Variants in GPC1 observed in about 807,000 individuals in gnomAD.
GPC1 encodes the protein glypican 1.
Under a neutral mutation model 51.5 loss-of-function variants are expected in GPC1, and 26 were observed. That is an observed-to-expected ratio of 0.50 (90% CI 0.37 to 0.70). The LOEUF (loss-of-function observed/expected upper bound fraction) is 0.70, where lower values mean the gene tolerates loss of function less well. Among genes scored for constraint, GPC1 ranks in the 30% least tolerant of loss-of-function variants. The pLI, the probability that GPC1 is intolerant of heterozygous loss-of-function variation, is 0.00. For missense variants in GPC1, 775 were observed against 800.5 expected, an observed-to-expected ratio of 0.97 and a Z score of 0.38; for synonymous variants, 380 against 348.3, an observed-to-expected ratio of 1.09 and a Z score of -1.01.
chr2:240,456,023 C>T (rs901919526), intron 1 of GPC1: 3 of 429,738 alleles, frequency 7.0e-6, no homozygotes, highest in South Asian at 1.6e-5. Flanking sequence ...GCTCTGGCTC[C>T]GTGTCTTCAC....
chr2:240,459,001 C>T lies in GPC1; in HGVS notation c.167-29C>T, dbSNP rs776287817. On this transcript the variant is annotated intron_variant, in intron 1 of 8. Coordinates refer to ENST00000264039, the MANE Select transcript of GPC1 (RefSeq NM_002081.3). The stretch of plus-strand genomic sequence containing the variant: ...CTGGCTCCCAGTGCTGTCCCAGCCC[C>T]TCTCCCTCACACTGGCCTTTCCCCA... 39 of 1,606,648 alleles carry T rather than the reference C, an allele frequency of 2.4e-5. No homozygotes were observed. The Middle Eastern group carries it at 5.0e-4, about 20-fold the overall frequency.
chr2:240,456,098 G>A (rs1333726002), intron 1 of GPC1: 1 of 298,082 alleles, frequency 3.4e-6, no homozygotes, highest in South Asian at 2.5e-5. Flanking sequence ...GAACAACGCA[G>A]GTCGCCGGGC....
rs34976040 is a variant in GPC1 at position 240,462,256 on chromosome 2, G to A, written c.391G>A (p.Gly131Arg). The A allele has an allele frequency of 0.026, 42,208 of 1,610,548 alleles. 639 individuals are homozygous for A. The highest frequency in any genetic ancestry group is 0.031 in the Non-Finnish European group (36,023 of 1,178,800). The change falls in exon 3 of 9, where the codon GGA becomes AGA. Residue 131 changes from glycine (G) to arginine (R), a missense_variant. Gly to Arg is a moderately radical substitution (Grantham distance 125). Transcript: ENST00000264039. ...TLQATFPGAF[G>R]ELYTQNARAF... Reference sequence around the variant, plus strand: ...GCAGGCCACCTTCCCCGGCGCCTTCGGAGAGCTGTACACGCAGAACGCGAG... The same window carrying A: ...GCAGGCCACCTTCCCCGGCGCCTTCAGAGAGCTGTACACGCAGAACGCGAG...
At chr2:240,464,825 A>G (rs1162377568) in intron 5 of GPC1, 31 bp from the exon 6 acceptor site, 2 of 1,562,092 alleles carry the variant, frequency 1.3e-6, no homozygotes, top group East Asian at 2.4e-5. Context: ...GGGCCCCACT[A>G]CCCCCCAAGG....
chr2:240,464,838 C>T lies in GPC1; in HGVS notation c.1015-18C>T, dbSNP rs754000425. 223 of 1,559,748 alleles carry T rather than the reference C, an allele frequency of 1.4e-4. No individual in the cohort carries two copies. The highest frequency in any genetic ancestry group is 1.9e-4 in the Non-Finnish European group (213 of 1,151,162). ...AGGGGCCCCACTACCCCCCAAGGAC[C>T]CTGCAGTGTCTCTCCAGGTCATCCA... On this transcript the variant is annotated intron_variant, in intron 5 of 8. Coordinates refer to ENST00000264039, the MANE Select transcript of GPC1 (RefSeq NM_002081.3).
Position 240,465,470 on chromosome 2 carries a change from C to T in GPC1, c.1269-3C>T. The T allele has an allele frequency of 6.2e-7, 1 of 1,612,786 alleles. No individual in the cohort carries two copies. The highest frequency in any genetic ancestry group is 1.1e-5 in the South Asian group (1 of 91,048). On this transcript the variant is annotated splice_polypyrimidine_tract_variant and splice_region_variant and intron_variant, in intron 7 of 8. Coordinates refer to ENST00000264039, the MANE Select transcript of GPC1 (RefSeq NM_002081.3). ...ACCTGGGCTCTGCCTGCCTTTCCCC[C>T]AGGTACCTCCCCGAGGTCATGGGTG...
At chr2:240,447,164 G>A (rs2074055774) in intron 1 of GPC1, among the ~76,000 whole-genome samples, 2 of 152,212 alleles carry the variant, frequency 1.3e-5, no homozygotes, top group South Asian at 4.1e-4. Flanking sequence ...GGGCATTAAG[G>A]CTGGACCCCA....
chr2:240,458,126 CG>C (rs1559200534), intron 1 of GPC1: 1 of 460,240 alleles, frequency 2.2e-6, no homozygotes, highest in Non-Finnish European at 4.6e-6. Flanking sequence ...CTGTAAGCCC[CG>C]GTTTTCTGGT....
chr2:240,453,095 G>C, intron 1 of GPC1: 1 of 293,774 alleles, frequency 3.4e-6, no homozygotes, highest in East Asian at 1.6e-4. Flanking sequence ...ACCCGCATCC[G>C]CAGGCGCGCC....
chr2:240,441,141 C>T lies in GPC1; in HGVS notation c.166+5057C>T, dbSNP rs373363945. On this transcript the variant is annotated intron_variant, in intron 1 of 8. Coordinates refer to ENST00000264039, the MANE Select transcript of GPC1 (RefSeq NM_002081.3). ...GTGGTTAACGCGCCTTCCCAGGTAC[C>T]GAGGACGCCTCCCTACAGCAGGACG... is the stretch of plus-strand genomic sequence containing the variant. Among the ~76,000 whole-genome samples, 51 of 152,366 alleles carry T rather than the reference C, an allele frequency of 3.3e-4. No homozygotes were observed. The South Asian group carries it at 5.2e-3, about 15-fold the overall frequency.
At chr2:240,444,129 A>G (rs10167614) in intron 1 of GPC1, among the ~76,000 whole-genome samples, 147,333 of 152,248 alleles carry the variant, frequency 0.97, 71,327 homozygotes, top group East Asian at 1. Flanking sequence ...TGTCGGGGCC[A>G]TGTGAGGACA....
intron 1 of GPC1, chr2:240,451,599 C>T (rs1046701049): frequency 5.6e-5 from 14 of 251,690 alleles, no homozygotes; most frequent in Non-Finnish European, 9.4e-5. Context: ...AGCACCTCAT[C>T]CTGGGTTCGA....
chr2:240,437,491 T>C (rs2073991586), intron 1 of GPC1, among the ~76,000 whole-genome samples: 1 of 152,006 alleles, frequency 6.6e-6, no homozygotes, highest in African/African-American at 2.4e-5. Context: ...CCCTCCAAAG[T>C]CCCCAGGACA....
intron 2 of GPC1, among the ~76,000 whole-genome samples, chr2:240,460,462 C>G (rs529781113): frequency 7.9e-5 from 12 of 152,290 alleles, no homozygotes; most frequent in African/African-American, 2.9e-4. Context: ...CCCTGGCTCC[C>G]GCCCCAGCGT....
At chr2:240,446,020 T>C (rs1248475785) in intron 1 of GPC1, among the ~76,000 whole-genome samples, 2 of 152,208 alleles carry the variant, frequency 1.3e-5, no homozygotes, top group Non-Finnish European at 2.9e-5. Context: ...GAAACAAGCA[T>C]CGTCCTGAGA....
chr2:240,446,105 C>T (rs1158791931), intron 1 of GPC1, among the ~76,000 whole-genome samples: 2 of 152,246 alleles, frequency 1.3e-5, no homozygotes. Flanking sequence ...AGCAGCAAGT[C>T]GCCCTCGCAG....
chr2:240,438,002 T>C (rs1422773680), intron 1 of GPC1, among the ~76,000 whole-genome samples: 1 of 152,100 alleles, frequency 6.6e-6, no homozygotes, highest in African/African-American at 2.4e-5. Context: ...GGTTGGGGAA[T>C]GCAGTGGGTT....
chr2:240,464,592 T>C, intron 4 of GPC1, 24 bp from the exon 5 acceptor site: 1 of 1,572,124 alleles, frequency 6.4e-7, no homozygotes, highest in East Asian at 2.3e-5. Context: ...CGCCTGTGTG[T>C]CCGCGTGTTA....
At chr2:240,449,634 G>GTCA in intron 1 of GPC1, 1 of 318,808 alleles carries the variant, frequency 3.1e-6, no homozygotes, top group South Asian at 2.6e-5. Context: ...TTGTGCGGCC[G>GTCA]TCACCCCCAT....
Sources: gnomAD v4.1 joint callset for allele counts (sites outside exome capture counted in the v4.1 genomes callset) on GRCh38, gnomAD v4.1.1 for gene constraint, MANE v1.5 for transcripts, NCBI Gene and HGNC (gene_info 2026-07-23, HGNC 2026-07-21) for gene names.